Variants in CDH23 observed in about 807,000 individuals in gnomAD.
CDH23 encodes cadherin-23.
CDH23 carries 189 observed loss-of-function variants against 317.1 expected under a neutral mutation model. The ratio of observed to expected loss-of-function variants is 0.60; its 90% CI spans 0.53 to 0.67. The LOEUF is 0.67. Ranked by LOEUF, CDH23 falls within the 30% of genes least tolerant of loss-of-function variation. CDH23 has a pLI of 0.00. For synonymous variants in CDH23, 1,839 were observed against 1,876.8 expected (o/e 0.98, Z 0.52); for missense variants, 4,401 against 4,592.4 (o/e 0.96, Z 1.20).
At chr10:71,460,584 T>C (rs1371122124) in intron 3 of CDH23, among the ~76,000 whole-genome samples, 2 of 152,244 alleles carry the variant, frequency 1.3e-5, no homozygotes, top group Non-Finnish European at 2.9e-5. Context: ...CCCTATGTTG[T>C]AGATAACTCA....
rs1866025946 is a variant in CDH23, at chr10:71,712,707, T to G, written c.3263T>G (p.Val1088Gly). Reference sequence around the variant, plus strand: ...AAGCGACACACGGGCACAGCCACCGTGTTCGTCACTGTCCTGGATGTGAAT... The same window carrying G: ...AAGCGACACACGGGCACAGCCACCGGGTTCGTCACTGTCCTGGATGTGAAT... ...VGKRHTGTAT[V>G]FVTVLDVNDN... is the part of the protein sequence containing the mutation. Residue 1088 changes from valine to glycine, a missense_variant, in exon 28 of 70, where the codon GTG becomes GGG. Coordinates refer to ENST00000224721, the MANE Select transcript of CDH23 (RefSeq NM_022124.6). The G allele has an allele frequency of 6.2e-7, 1 of 1,613,732 alleles. No individual in the cohort carries two copies. Among genetic ancestry groups the G allele is most frequent in the East Asian group, 2.2e-5 (1 of 44,884 alleles).
chr10:71,490,427 C>T (rs1396842399), intron 3 of CDH23, among the ~76,000 whole-genome samples: 2 of 152,156 alleles, frequency 1.3e-5, no homozygotes, highest in African/African-American at 4.8e-5. Flanking sequence ...GGCACACATA[C>T]TGAAGCCACA....
chr10:71,683,709 G>T (rs1185865244), intron 18 of CDH23, among the ~76,000 whole-genome samples: 1 of 152,158 alleles, frequency 6.6e-6, no homozygotes, highest in African/African-American at 2.4e-5. Flanking sequence ...AGAGAGTTGG[G>T]GCCTGGCTTC....
intron 3 of CDH23, among the ~76,000 whole-genome samples, chr10:71,456,641 G>A (rs1850711622): frequency 1.3e-5 from 2 of 152,226 alleles, no homozygotes; most frequent in South Asian, 2.1e-4. Context: ...CTGAACACCT[G>A]TGCCAGCCTG....
At position 71,397,098 on chromosome 10, in the gene CDH23, G is replaced by T; in HGVS notation, c.-226G>T. 5.7e-6 allele frequency: 1 copy of T among 174,250 alleles called. No homozygotes were observed. Among genetic ancestry groups the T allele is most frequent in the Non-Finnish European group, 1.2e-5 (1 of 82,870 alleles). 10.8% of individuals were successfully genotyped at this position (174,250 alleles called of 1,614,324 possible). Reference sequence around the variant, plus strand: ...CCTCTGGACGTTTGGGGCGCGCCCAGTCCGAGCCCCCGGCGCGCCTGAAGT... The same window carrying T: ...CCTCTGGACGTTTGGGGCGCGCCCATTCCGAGCCCCCGGCGCGCCTGAAGT... On this transcript the variant is annotated 5_prime_UTR_variant, in exon 1 of 70. Coordinates refer to ENST00000224721, the MANE Select transcript of CDH23 (RefSeq NM_022124.6). This position sits in a 1 kb window ranked among gnomAD's most constrained non-coding sequence, Gnocchi z 4.8.
rs550285493 is a variant in CDH23, at chr10:71,725,341, G to A, written c.3431-31G>A. The A allele has an allele frequency of 3.4e-5, 55 of 1,613,782 alleles. No individual in the cohort carries two copies. The South Asian group carries it at 3.6e-4, about 11-fold the overall frequency. ...CAGCAGGAGACTTCTGGGCAGGGCC[G>A]GTGTTCCAGGGGGTCTGTCCCTCCA... On this transcript the variant is annotated intron_variant, in intron 29 of 69. Transcript: ENST00000224721.
intron 44 of CDH23, among the ~76,000 whole-genome samples, chr10:71,787,189 G>A (rs568088845): frequency 2.0e-5 from 3 of 152,234 alleles, no homozygotes; most frequent in South Asian, 2.1e-4. Flanking sequence ...CCACACCTCC[G>A]TGAAGGAGTT....
At chr10:71,618,398 G>C (rs1344964171) in intron 11 of CDH23, among the ~76,000 whole-genome samples, 1 of 152,056 alleles carries the variant, frequency 6.6e-6, no homozygotes, top group African/African-American at 2.4e-5. Flanking sequence ...ATTCGGTGGG[G>C]CCAGGTCTCC....
At position 71,811,961 on chromosome 10, in the gene CDH23, G is replaced by A. The variant is rs200188029; in HGVS notation, c.9326G>A (p.Arg3109His). Reference protein sequence around the residue: ...KAIVAGSAGNRGFIDIMDMPN... With the variant: ...KAIVAGSAGNHGFIDIMDMPN... ...CCAACCCTTCTCCCTGCAGGGAATC[G>A]TGGCTTCATCGACATCATGGACATG... is the stretch of plus-strand genomic sequence containing the variant. The change falls in exon 66 of 70, where the codon CGT becomes CAT. Residue 3109 changes from arginine (R) to histidine (H), a missense_variant. Physicochemically the swap from Arg to His is conservative, Grantham distance 29 (BLOSUM62 0). This residue lies in a region of CDH23 where 1,144 missense variants were observed against 1,138.2 expected (regional missense o/e 1.01). Transcript: ENST00000224721. 1.9e-4 allele frequency: 299 copies of A among 1,607,702 alleles called. 1 individual carries two copies. The highest frequency in any genetic ancestry group is 2.3e-4 in the Non-Finnish European group (271 of 1,179,020).
At chr10:71,610,396 C>A (rs1259918611) in intron 9 of CDH23, among the ~76,000 whole-genome samples, 2 of 152,190 alleles carry the variant, frequency 1.3e-5, no homozygotes, top group Non-Finnish European at 2.9e-5. Context: ...TTTCCTTGCC[C>A]CATAGCACAG....
chr10:71,519,166 G>A (rs1472363437), intron 6 of CDH23, among the ~76,000 whole-genome samples: 1 of 152,156 alleles, frequency 6.6e-6, no homozygotes, highest in African/African-American at 2.4e-5. Context: ...CGAAGCAGGG[G>A]GACTGTGCAG....
intron 1 of CDH23, among the ~76,000 whole-genome samples, chr10:71,404,171 A>C (rs1245996075): frequency 1.3e-5 from 2 of 152,230 alleles, no homozygotes; most frequent in Non-Finnish European, 2.9e-5. Context: ...GGAAGTGGTG[A>C]ATTTTCGCAT....
At chr10:71,429,413 C>G (rs1849262965) in intron 1 of CDH23, among the ~76,000 whole-genome samples, 2 of 152,164 alleles carry the variant, frequency 1.3e-5, no homozygotes, top group South Asian at 4.1e-4. Context: ...TACTGTGGAG[C>G]TTGGGCAAAG....
chr10:71,608,610 T>C (rs903551682), intron 9 of CDH23, among the ~76,000 whole-genome samples: 2 of 152,116 alleles, frequency 1.3e-5, no homozygotes, highest in Non-Finnish European at 2.9e-5. Flanking sequence ...CCAACAAATA[T>C]ATAATGAGCG....
At chr10:71,762,170 G>T in intron 38 of CDH23, 1 of 992,944 alleles carries the variant, frequency 1.0e-6, no homozygotes, top group Non-Finnish European at 1.4e-6. Flanking sequence ...ACTGCCTTCT[G>T]CATTTGTTCA....
Position 71,643,606 on chromosome 10 carries a change from G to C in CDH23, c.1135-255G>C, listed in dbSNP as rs377019220. Among the ~76,000 whole-genome samples the C allele has an allele frequency of 4.3e-4, 65 of 152,074 alleles. 1 individual carries two copies. In the East Asian group the frequency reaches 0.012, roughly 28 times the overall value. ...CTTCATGCCGTTGAGCCTCTTCTGG[G>C]TCCCATGCTTGTCCCTCTTCTTCAC... is the stretch of plus-strand genomic sequence containing the variant. On this transcript the variant is annotated intron_variant, in intron 11 of 69. Coordinates refer to ENST00000224721, the MANE Select transcript of CDH23 (RefSeq NM_022124.6).
intron 14 of CDH23, among the ~76,000 whole-genome samples, chr10:71,658,921 G>T (rs181498851): frequency 6.6e-6 from 1 of 152,156 alleles, no homozygotes; most frequent in Non-Finnish European, 1.5e-5. Flanking sequence ...TCACTCCCTG[G>T]GTGACCTTGA....
intron 59 of CDH23, 29 bp downstream of exon 59, chr10:71,807,796 T>C (rs1408491962): frequency 1.3e-6 from 2 of 1,583,732 alleles, no homozygotes; most frequent in East Asian, 2.3e-5. Context: ...GGGCACGAGG[T>C]GTGGGGTGGC....
chr10:71,595,931 T>C (rs1859810789), intron 9 of CDH23, among the ~76,000 whole-genome samples: 1 of 152,208 alleles, frequency 6.6e-6, no homozygotes, highest in Non-Finnish European at 1.5e-5. Context: ...AATCCTTCTC[T>C]TTCTCTTACC....
Sources: gnomAD v4.1 joint callset for allele counts (sites outside exome capture counted in the v4.1 genomes callset) on GRCh38, gnomAD v4.1.1 for gene constraint, gnomAD v4.1.1 regional missense constraint, Gnocchi (gnomAD v3.1) non-coding constraint, MANE v1.5 for transcripts, NCBI Gene and HGNC (gene_info 2026-07-23, HGNC 2026-07-21) for gene names.